Variants in ROPN1L observed in about 807,000 individuals in gnomAD.
ROPN1L encodes rhophilin associated tail protein 1 like.
A neutral mutation model predicts 22.7 loss-of-function variants in ROPN1L; 23 were observed. The ratio of observed to expected loss-of-function variants is 1.01; its 90% CI spans 0.73 to 1.43. The LOEUF is 1.43. ROPN1L is among the 40% of genes most tolerant of loss of function. The probability of loss-of-function intolerance (pLI) is 0.00; values close to 1 mark genes in which losing one functional copy is unlikely to be tolerated. For missense variants in ROPN1L, 271 were observed against 291.5 expected, an observed-to-expected ratio of 0.93 and a Z score of 0.51; for synonymous variants, 116 against 117.8, an observed-to-expected ratio of 0.98 and a Z score of 0.10.
downstream of ROPN1L, among the ~76,000 whole-genome samples, chr5:10,473,959 C>G (rs1735284900): frequency 6.6e-6 from 1 of 151,998 alleles, no homozygotes; most frequent in South Asian, 2.1e-4. Flanking sequence ...CGAGACCACC[C>G]TGGGTTACAT....
intron 4 of ROPN1L, among the ~76,000 whole-genome samples, chr5:10,462,976 T>C (rs1044227383): frequency 3.3e-5 from 5 of 152,232 alleles, no homozygotes; most frequent in Non-Finnish European, 5.9e-5. Context: ...AACGTAGACA[T>C]GGATTACTGC....
At chr5:10,477,546 G>A in the ROPN1L span, among the ~76,000 whole-genome samples, 2 of 152,306 alleles carry the variant, frequency 1.3e-5, no homozygotes, top group South Asian at 4.1e-4. Context: ...TGAGGAAAAG[G>A]GCGGGAAACT....
chr5:10,481,534 T>C, the ROPN1L span, among the ~76,000 whole-genome samples: 1 of 152,228 alleles, frequency 6.6e-6, no homozygotes, highest in African/African-American at 2.4e-5. Flanking sequence ...CCTGGTTTAC[T>C]ATCTCTGGGG....
intron 4 of ROPN1L, among the ~76,000 whole-genome samples, chr5:10,464,330 G>A (rs1735109685): frequency 6.6e-6 from 1 of 152,146 alleles, no homozygotes; most frequent in Non-Finnish European, 1.5e-5. Flanking sequence ...TCACATGGAC[G>A]ACACAGTACT....
At chr5:10,455,530 C>T (rs148874064) in intron 3 of ROPN1L, among the ~76,000 whole-genome samples, 8 of 152,312 alleles carry the variant, frequency 5.3e-5, no homozygotes, top group East Asian at 1.9e-4. Flanking sequence ...GCAGGGGCCA[C>T]GCTCCCCTGA....
At chr5:10,463,647 C>T (rs558081631) in intron 4 of ROPN1L, among the ~76,000 whole-genome samples, 2 of 152,298 alleles carry the variant, frequency 1.3e-5, no homozygotes, top group South Asian at 4.1e-4. Flanking sequence ...TCGAATTGCC[C>T]ACAGTACAGT....
intron 2 of ROPN1L, among the ~76,000 whole-genome samples, chr5:10,449,153 G>T (rs766142404): frequency 6.6e-6 from 1 of 152,238 alleles, no homozygotes; most frequent in African/African-American, 2.4e-5. Flanking sequence ...TGCTGAAATT[G>T]CTCAAAGCCT....
chr5:10,469,278 C>A (rs1237796055), downstream of ROPN1L, among the ~76,000 whole-genome samples: 10 of 150,862 alleles, frequency 6.6e-5, no homozygotes, highest in African/African-American at 2.4e-4. Context: ...AGTTTGAGAC[C>A]AGCCCTAGCA....
chr5:10,457,324 G>T (rs1032328435), intron 3 of ROPN1L, among the ~76,000 whole-genome samples: 1 of 152,230 alleles, frequency 6.6e-6, no homozygotes, highest in Non-Finnish European at 1.5e-5. Context: ...TGGGGACAGG[G>T]AGATCAGTTC....
Position 10,442,680 on chromosome 5 carries a change from G to A in ROPN1L, c.131+382G>A, listed in dbSNP as rs116258896. 3.6e-3 allele frequency among the ~76,000 whole-genome samples: 553 copies of A among 152,284 alleles called. 1 individual carries two copies. The highest frequency in any genetic ancestry group is 6.0e-3 in the Non-Finnish European group (411 of 68,010). ...CTTTGTGAAATGACTTTACAAAGAG[G>A]AATATTTTAGCTAAGTTCCTCATCT... On this transcript the variant is annotated intron_variant, in intron 1 of 4. Transcript: ENST00000274134.
rs1216775071 is a variant in ROPN1L, at chr5:10,449,985, C to T, written c.289C>T (p.Leu97Phe). The T allele has an allele frequency of 6.2e-7, 1 of 1,613,748 alleles. No homozygotes were observed. Among genetic ancestry groups the T allele is most frequent in the South Asian group, 1.1e-5 (1 of 90,994 alleles). ...HHKRYVELTDLEQKWKNLCLP... is the reference protein window; with the variant it reads ...HHKRYVELTDFEQKWKNLCLP... ...CAAGCGGTATGTGGAATTAACAGAT[C>T]TTGAGCAGAAGTGGAAGAACTTGTG... The change falls in exon 3 of 5, where the codon CTT becomes TTT. Residue 97 changes from leucine to phenylalanine, a missense_variant. Leu to Phe is a conservative substitution (Grantham distance 22). Transcript: ENST00000274134.
chr5:10,477,723 AGT>A, the ROPN1L span, among the ~76,000 whole-genome samples: 1 of 152,142 alleles, frequency 6.6e-6, no homozygotes, highest in Admixed American at 6.5e-5. Flanking sequence ...TGAGGTCAGG[AGT>A]TCAAGACCAG....
chr5:10,448,141 T>G, intron 1 of ROPN1L, 119 bp from the exon 2 acceptor site: 1 of 1,114,952 alleles, frequency 9.0e-7, no homozygotes, highest in Non-Finnish European at 1.3e-6. Context: ...GCCCGGGATG[T>G]TGGTCTTCAG....
chr5:10,459,344 C>T (rs371612914), intron 3 of ROPN1L, among the ~76,000 whole-genome samples: 1 of 151,412 alleles, frequency 6.6e-6, no homozygotes, highest in African/African-American at 2.4e-5. Context: ...CACTGGGTTC[C>T]TGCCTTCCAC....
At chr5:10,444,651 G>GC (rs1413154498) in intron 1 of ROPN1L, among the ~76,000 whole-genome samples, 1 of 151,270 alleles carries the variant, frequency 6.6e-6, no homozygotes, top group African/African-American at 2.4e-5. Context: ...TGTAATCCCA[G>GC]AGTTTGGGAG....
chr5:10,463,460 A>C (rs565064664), intron 4 of ROPN1L, among the ~76,000 whole-genome samples: 1 of 152,254 alleles, frequency 6.6e-6, no homozygotes, highest in Admixed American at 6.5e-5. Context: ...CTGCAGAGTA[A>C]GCCTGGTTAA....
At chr5:10,462,055 T>C (rs1309151621) in intron 4 of ROPN1L, among the ~76,000 whole-genome samples, 1 of 152,208 alleles carries the variant, frequency 6.6e-6, no homozygotes, top group Non-Finnish European at 1.5e-5. Context: ...ATTAAATCAT[T>C]GGCCAATAGT....
chr5:10,441,955 T>G lies in ROPN1L; in HGVS notation c.-213T>G. 3.5e-6 allele frequency: 2 copies of G among 568,818 alleles called. No individual in the cohort carries two copies. The highest frequency in any genetic ancestry group is 3.1e-5 in the Admixed American group (1 of 31,958). 35.2% of individuals were successfully genotyped at this position (568,818 alleles called of 1,614,324 possible). A position where few individuals can be genotyped will look rare whatever the true frequency, so the allele number is the denominator to read the frequency against. ...GGGAACTGCAGGGTCTAGGGTGTTG[T>G]CGGAGTGGCAGTTGGTCCGAATTTC... On this transcript the variant is annotated 5_prime_UTR_variant, in exon 1 of 5. Coordinates refer to ENST00000274134, the MANE Select transcript of ROPN1L (RefSeq NM_031916.5).
At chr5:10,466,774 G>A (rs1344158374), downstream of ROPN1L, among the ~76,000 whole-genome samples, 1 of 152,144 alleles carries the variant, frequency 6.6e-6, no homozygotes, top group East Asian at 1.9e-4. Context: ...GTATGAATCG[G>A]TGAGGGCTGC....
Sources: gnomAD v4.1 joint callset for allele counts (sites outside exome capture counted in the v4.1 genomes callset) on GRCh38, gnomAD v4.1.1 for gene constraint, MANE v1.5 for transcripts, NCBI Gene and HGNC (gene_info 2026-07-23, HGNC 2026-07-21) for gene names.